URI1: variants seen among roughly 807,000 people sequenced by gnomAD.
URI1 encodes unconventional prefoldin RPB5 interactor 1.
In URI1, 39 loss-of-function variants were observed where a neutral mutation model predicts 60.2. The observed-to-expected ratio is 0.65, with a 90% CI of 0.50 to 0.85. The LOEUF (loss-of-function observed/expected upper bound fraction) is 0.85, where lower values mean the gene tolerates loss of function less well. Ranked by LOEUF, URI1 falls within the 40% of genes least tolerant of loss-of-function variation. The pLI is 0.00. For missense variants in URI1, 691 were observed against 665.9 expected, an observed-to-expected ratio of 1.04 and a Z score of -0.42; for synonymous variants, 251 against 236.8, an observed-to-expected ratio of 1.06 and a Z score of -0.55.
At chr19:29,940,755 G>A (rs769850050), upstream of URI1, among the ~76,000 whole-genome samples, 2 of 152,198 alleles carry the variant, frequency 1.3e-5, no homozygotes, top group African/African-American at 4.8e-5. Flanking sequence ...CTGGAGCTAG[G>A]GGGTGGGTCA....
Position 30,012,286 on chromosome 19 carries a change from G to A in URI1, c.1180G>A (p.Ala394Thr). 6.2e-7 allele frequency: 1 copy of A among 1,612,398 alleles called. No individual in the cohort carries two copies. The highest frequency in any genetic ancestry group is 8.5e-7 in the Non-Finnish European group (1 of 1,178,580). Reference sequence around the variant, plus strand: ...GCATATGTGTTTTGAATATCACAGAGCCTTTGTTGATGTTGTGAATGGAGA... The same window carrying A: ...GCATATGTGTTTTGAATATCACAGAACCTTTGTTGATGTTGTGAATGGAGA... ...TIRTPADIYR[A>T]FVDVVNGEYV... Residue 394 changes from alanine to threonine, a missense_variant and splice_region_variant, in exon 10 of 11, where the codon GCC becomes ACC. Ala to Thr is a moderately conservative substitution (Grantham distance 58, BLOSUM62 0). Coordinates refer to ENST00000392271, the MANE Select transcript of URI1 (RefSeq NM_003796.3).
intron 2 of URI1, among the ~76,000 whole-genome samples, chr19:29,979,879 C>T (rs958716504): frequency 6.6e-6 from 1 of 151,984 alleles, no homozygotes; most frequent in African/African-American, 2.4e-5. Flanking sequence ...TTGCCATGAC[C>T]ATTTAGAAAA....
At chr19:29,943,860 G>A (rs1023322449) in intron 1 of URI1, among the ~76,000 whole-genome samples, 1 of 151,898 alleles carries the variant, frequency 6.6e-6, no homozygotes, top group Non-Finnish European at 1.5e-5. Context: ...AGTGGCTAGG[G>A]TGGTGACTCA....
chr19:29,926,875 G>A (rs146254170), intron 1 of URI1, among the ~76,000 whole-genome samples: 2 of 152,166 alleles, frequency 1.3e-5, no homozygotes, highest in African/African-American at 4.8e-5. Context: ...AAGGGATGAC[G>A]TGCCTGTCTG....
At chr19:29,971,613 G>T (rs1410981356) in intron 2 of URI1, among the ~76,000 whole-genome samples, 2 of 150,866 alleles carry the variant, frequency 1.3e-5, no homozygotes, top group East Asian at 1.9e-4. Flanking sequence ...ATGGAAATAG[G>T]GCACAGAAAT....
chr19:29,965,909 A>G (rs1393596991), intron 1 of URI1, among the ~76,000 whole-genome samples: 2 of 152,260 alleles, frequency 1.3e-5, no homozygotes, highest in Non-Finnish European at 2.9e-5. Flanking sequence ...CATACAGGAA[A>G]AAATGCTTAG....
intron 1 of URI1, among the ~76,000 whole-genome samples, chr19:29,960,012 G>A (rs182157933): frequency 9.4e-4 from 143 of 152,010 alleles, no homozygotes; most frequent in Non-Finnish European, 1.6e-3. Context: ...CACACATTTT[G>A]TATGTCATTT....
intron 2 of URI1, 87 bp downstream of exon 2, chr19:29,971,314 T>C (rs1037308169): frequency 7.5e-7 from 1 of 1,337,392 alleles, no homozygotes; most frequent in Admixed American, 1.8e-5. Flanking sequence ...TGTTTGCGTG[T>C]GTGTGTATGT....
At chr19:29,941,488 G>T (rs1184066342), upstream of URI1, among the ~76,000 whole-genome samples, 1 of 152,054 alleles carries the variant, frequency 6.6e-6, no homozygotes. Context: ...GGATGTGTTG[G>T]TGCGGGCCAG....
intron 1 of URI1, among the ~76,000 whole-genome samples, chr19:29,966,437 A>G (rs763381014): frequency 8.5e-5 from 13 of 152,142 alleles, no homozygotes; most frequent in Admixed American, 5.9e-4. Context: ...TGCTCAGGCT[A>G]TGGTGGTTTT....
chr19:29,935,972 G>C (rs1362538805), intron 1 of URI1, among the ~76,000 whole-genome samples: 1 of 152,120 alleles, frequency 6.6e-6, no homozygotes, highest in East Asian at 1.9e-4. Context: ...ATTTTTAGTA[G>C]AGACAGGGTT....
chr19:29,942,715 G>T (rs772658083), intron 1 of URI1, 51 bp downstream of exon 1: 1 of 1,345,554 alleles, frequency 7.4e-7, no homozygotes, highest in African/African-American at 1.5e-5. Flanking sequence ...GGCTGCCCCT[G>T]CCTGTGCTCT....
At chr19:29,981,357 T>A (rs1198110229) in intron 2 of URI1, among the ~76,000 whole-genome samples, 1 of 152,192 alleles carries the variant, frequency 6.6e-6, no homozygotes, top group Non-Finnish European at 1.5e-5. Context: ...TTAACTTGAT[T>A]TCTCTCTTAC....
At chr19:29,981,875 G>GA (rs761958456) in intron 2 of URI1, among the ~76,000 whole-genome samples, 37 of 151,180 alleles carry the variant, frequency 2.4e-4, no homozygotes, top group South Asian at 8.4e-4. Context: ...TATTAAAATA[G>GA]AAAAAAAAAT....
chr19:29,932,317 TG>T (rs2054928397), intron 1 of URI1, among the ~76,000 whole-genome samples: 6 of 151,410 alleles, frequency 4.0e-5, no homozygotes, highest in Non-Finnish European at 7.4e-5. Context: ...ATGATGATGA[TG>T]ATTATTATTA....
Position 29,974,748 on chromosome 19 carries a change from G to A in URI1, c.152+3521G>A, listed in dbSNP as rs277076. On this transcript the variant is annotated intron_variant, in intron 2 of 10. Transcript: ENST00000392271. Reference sequence around the variant, plus strand: ...GCCCTTGCCCCTGCCCTTTCTCACCGCTCTTGTATTCCCCAGTGTTTATTT... The same window carrying A: ...GCCCTTGCCCCTGCCCTTTCTCACCACTCTTGTATTCCCCAGTGTTTATTT... 6.5e-3 allele frequency among the ~76,000 whole-genome samples: 992 copies of A among 152,144 alleles called. 14 individuals are homozygous for A. The highest frequency in any genetic ancestry group is 0.023 in the African/African-American group (954 of 41,494).
Position 30,005,472 on chromosome 19 carries a change from C to A in URI1, c.459+20C>A. On this transcript the variant is annotated intron_variant, in intron 5 of 10. Coordinates refer to ENST00000392271, the MANE Select transcript of URI1 (RefSeq NM_003796.3). ...AGCGATGTGAGTATTTGTTTTTAGTCTTCTATATTTTTAGAAAATATTTTC... is the reference window on the plus strand; with the variant it reads ...AGCGATGTGAGTATTTGTTTTTAGTATTCTATATTTTTAGAAAATATTTTC... 6.4e-7 allele frequency: 1 copy of A among 1,554,026 alleles called. No individual in the cohort carries two copies. Among genetic ancestry groups the A allele is most frequent in the Admixed American group, 2.0e-5 (1 of 49,198 alleles).
chr19:29,958,494 TA>T (rs1200607408), intron 1 of URI1, among the ~76,000 whole-genome samples: 1 of 152,252 alleles, frequency 6.6e-6, no homozygotes, highest in African/African-American at 2.4e-5. Context: ...TTTGATTCTT[TA>T]AAAATATTCA....
chr19:29,990,514 A>G (rs2055733343), intron 4 of URI1, among the ~76,000 whole-genome samples: 1 of 152,232 alleles, frequency 6.6e-6, no homozygotes, highest in Admixed American at 6.5e-5. Flanking sequence ...ATCAACTAAT[A>G]ACAGGTGAAT....
Sources: allele counts gnomAD v4.1 joint callset (sites outside exome capture counted in the v4.1 genomes callset), GRCh38; gene constraint gnomAD v4.1.1; transcripts MANE v1.5; gene names NCBI Gene and HGNC (gene_info 2026-07-23, HGNC 2026-07-21).